The following CAAP1 variants were observed in gnomAD, a reference collection of about 807,000 sequenced individuals.
CAAP1 encodes conserved anti-apoptotic protein.
Under a neutral mutation model 34.0 loss-of-function variants are expected in CAAP1, and 20 were observed. The ratio of observed to expected loss-of-function variants is 0.59; its 90% CI spans 0.41 to 0.86. The LOEUF is 0.86. CAAP1 is among the 40% of genes least tolerant of loss of function. CAAP1 has a pLI of 0.00. For synonymous variants in CAAP1, 213 were observed against 166.7 expected, an observed-to-expected ratio of 1.28 and a Z score of -2.14; for missense variants, 538 against 450.5, an observed-to-expected ratio of 1.19 and a Z score of -1.76.
intron 5 of CAAP1, among the ~76,000 whole-genome samples, chr9:26,850,833 T>A (rs1476823865): frequency 1.3e-5 from 2 of 152,214 alleles, no homozygotes; most frequent in African/African-American, 4.8e-5. Context: ...TGCATTAGGT[T>A]GACCATCATT....
At chr9:26,852,632 A>G (rs1822779438) in intron 5 of CAAP1, among the ~76,000 whole-genome samples, 1 of 152,198 alleles carries the variant, frequency 6.6e-6, no homozygotes, top group African/African-American at 2.4e-5. Context: ...ATATTGGAAC[A>G]CATGTATTAA....
At chr9:26,885,212 G>T (rs188847099) in intron 3 of CAAP1, among the ~76,000 whole-genome samples, 16 of 151,748 alleles carry the variant, frequency 1.1e-4, no homozygotes, top group Non-Finnish European at 1.9e-4. Context: ...GAGCAGCTGG[G>T]ACTACAGGCG....
intron 5 of CAAP1, among the ~76,000 whole-genome samples, chr9:26,860,551 G>T (rs1014238878): frequency 6.6e-6 from 1 of 152,140 alleles, no homozygotes; most frequent in African/African-American, 2.4e-5. Flanking sequence ...CCAGCACTTT[G>T]GGTGGCCGAG....
intron 4 of CAAP1, among the ~76,000 whole-genome samples, chr9:26,883,541 A>G (rs1823653407): frequency 1.3e-5 from 2 of 152,216 alleles, no homozygotes; most frequent in South Asian, 4.1e-4. Flanking sequence ...TGAAAAGGTA[A>G]CACTAATGCT....
At chr9:26,863,499 A>T (rs2131312899) in intron 4 of CAAP1, among the ~76,000 whole-genome samples, 1 of 152,288 alleles carries the variant, frequency 6.6e-6, no homozygotes, top group East Asian at 1.9e-4. Context: ...AAAAGGAAAT[A>T]TCTTAAATTG....
At chr9:26,872,486 C>A (rs893946577) in intron 4 of CAAP1, among the ~76,000 whole-genome samples, 1 of 151,246 alleles carries the variant, frequency 6.6e-6, no homozygotes, top group African/African-American at 2.4e-5. Context: ...CAAAAGCACT[C>A]ATATTTCAGA....
At chr9:26,879,170 T>G (rs1587121335) in intron 4 of CAAP1, among the ~76,000 whole-genome samples, 1 of 152,352 alleles carries the variant, frequency 6.6e-6, no homozygotes, top group East Asian at 1.9e-4. Context: ...TCAAAGTGAT[T>G]TGAAGTTAAG....
chr9:26,869,287 T>G (rs545426724), intron 4 of CAAP1, among the ~76,000 whole-genome samples: 1 of 152,266 alleles, frequency 6.6e-6, no homozygotes, highest in East Asian at 1.9e-4. Flanking sequence ...AAAAAGAAAC[T>G]TATTACCACA....
intron 2 of CAAP1, 27 bp from the exon 3 acceptor site, chr9:26,886,215 T>C: frequency 8.1e-7 from 1 of 1,229,520 alleles, no homozygotes; most frequent in East Asian, 2.7e-5. Flanking sequence ...TTTAAAAAAA[T>C]GCATTTATGT....
intron 5 of CAAP1, among the ~76,000 whole-genome samples, chr9:26,857,522 C>A (rs1244866793): frequency 1.3e-5 from 2 of 152,148 alleles, no homozygotes; most frequent in Non-Finnish European, 2.9e-5. Context: ...ATGCCAGCTA[C>A]TCGGCAGGCT....
chr9:26,892,097 G>C (rs573640754), intron 1 of CAAP1, among the ~76,000 whole-genome samples: 119 of 152,222 alleles, frequency 7.8e-4, no homozygotes, highest in African/African-American at 2.8e-3. Context: ...TGGCTCGCAA[G>C]GGAAATGAAG....
chr9:26,880,246 C>G (rs1823557613), intron 4 of CAAP1: 1 of 414,218 alleles, frequency 2.4e-6, no homozygotes, highest in Non-Finnish European at 4.8e-6. Context: ...AAAAGGACAA[C>G]CAGATAGGCC....
chr9:26,862,832 C>A (rs1823034523), intron 4 of CAAP1, among the ~76,000 whole-genome samples: 1 of 151,884 alleles, frequency 6.6e-6, no homozygotes, highest in Non-Finnish European at 1.5e-5. Context: ...GTTATGGTTA[C>A]ATAATAGAGT....
intron 4 of CAAP1, chr9:26,880,170 C>A: frequency 3.5e-6 from 1 of 288,756 alleles, no homozygotes; most frequent in South Asian, 3.0e-5. Context: ...TCTCCACACT[C>A]ACGGGGTGTC....
At chr9:26,852,424 C>T (rs1320178362) in intron 5 of CAAP1, among the ~76,000 whole-genome samples, 1 of 151,700 alleles carries the variant, frequency 6.6e-6, no homozygotes. Flanking sequence ...CACTGCACTC[C>T]AGCCTGGGTG....
At chr9:26,891,816 C>CT (rs1445698805) in intron 1 of CAAP1, among the ~76,000 whole-genome samples, 1 of 152,162 alleles carries the variant, frequency 6.6e-6, no homozygotes, top group Non-Finnish European at 1.5e-5. Flanking sequence ...GACGCTTTCC[C>CT]TTTATTTCCT....
chr9:26,860,534 T>G (rs1472824255), intron 5 of CAAP1, among the ~76,000 whole-genome samples: 1 of 152,206 alleles, frequency 6.6e-6, no homozygotes, highest in Non-Finnish European at 1.5e-5. Flanking sequence ...GGCTCACCCC[T>G]GTAATCCCAG....
At position 26,858,880 on chromosome 9, in the gene CAAP1, C is replaced by T. The variant is rs112342706; in HGVS notation, c.739+2186G>A. ...AGGAATGGTGGCAGGTGCCTGTAGT[C>T]CCAGCTACTCAGGAGGCTGAGGCAG... is the stretch of plus-strand genomic sequence containing the variant. On this transcript the variant is annotated intron_variant, in intron 5 of 5. Transcript: ENST00000333916. Among the ~76,000 whole-genome samples, 11 of 150,320 alleles carry T rather than the reference C, an allele frequency of 7.3e-5. 1 individual carries two copies. Among genetic ancestry groups the T allele is most frequent in the African/African-American group, 2.7e-4 (11 of 40,860 alleles).
chr9:26,875,737 C>T (rs950244366), intron 4 of CAAP1, among the ~76,000 whole-genome samples: 1 of 151,874 alleles, frequency 6.6e-6, no homozygotes, highest in African/African-American at 2.4e-5. Context: ...ATATAAAGAA[C>T]GGCAGCAGTC....
Sources: gnomAD v4.1 joint callset for allele counts (sites outside exome capture counted in the v4.1 genomes callset) on GRCh38, gnomAD v4.1.1 for gene constraint, MANE v1.5 for transcripts, NCBI Gene and HGNC (gene_info 2026-07-23, HGNC 2026-07-21) for gene names.